IL36B: variants seen among roughly 807,000 people sequenced by gnomAD.
The protein encoded by IL36B is interleukin 36 beta.
Under a neutral mutation model 19.3 loss-of-function variants are expected in IL36B, and 23 were observed. The ratio of observed to expected loss-of-function variants is 1.19; its 90% confidence interval spans 0.86 to 1.69. The LOEUF (loss-of-function observed/expected upper bound fraction) is 1.69. Ranked by LOEUF, IL36B falls within the 40% of genes most tolerant of loss-of-function variation. The pLI, the probability that IL36B is intolerant of heterozygous loss-of-function variation, is 0.00. For synonymous variants in IL36B, 59 were observed against 59.7 expected (o/e 0.99, Z 0.05); for missense variants, 217 against 200.5 (o/e 1.08, Z -0.50).
chr2:113,046,920 G>C (rs1685360531), intron 1 of IL36B, among the ~76,000 whole-genome samples: 1 of 152,160 alleles, frequency 6.6e-6, no homozygotes, highest in Admixed American at 6.5e-5. Context: ...CCCACACTTA[G>C]AGCCTGAAGG....
At chr2:113,032,400 A>C (rs560367139) in intron 1 of IL36B, among the ~76,000 whole-genome samples, 3 of 152,248 alleles carry the variant, frequency 2.0e-5, no homozygotes, top group African/African-American at 7.2e-5. Context: ...GCACCAGAAC[A>C]GTCCCCAAGA....
At chr2:113,033,358 A>T (rs1037419485) in intron 1 of IL36B, among the ~76,000 whole-genome samples, 1 of 152,062 alleles carries the variant, frequency 6.6e-6, no homozygotes, top group Non-Finnish European at 1.5e-5. Context: ...CAGCCTCCCG[A>T]GTAGCTGGAA....
At chr2:113,032,883 C>T (rs529147825) in intron 1 of IL36B, among the ~76,000 whole-genome samples, 2 of 152,312 alleles carry the variant, frequency 1.3e-5, no homozygotes, top group South Asian at 4.1e-4. Context: ...ACAAGCATGA[C>T]TGGTCTGTGC....
At chr2:113,024,148 G>A (rs1346484766) in intron 5 of IL36B, among the ~76,000 whole-genome samples, 1 of 152,098 alleles carries the variant, frequency 6.6e-6, no homozygotes, top group Non-Finnish European at 1.5e-5. Flanking sequence ...TGTCACACGG[G>A]TAAACTCCCT....
At chr2:113,039,086 A>C (rs1685202925) in intron 1 of IL36B, among the ~76,000 whole-genome samples, 1 of 152,220 alleles carries the variant, frequency 6.6e-6, no homozygotes, top group Non-Finnish European at 1.5e-5. Flanking sequence ...TTCTGCATCC[A>C]GCCTCCTCTC....
At chr2:113,034,922 C>A (rs1685140698) in intron 1 of IL36B, among the ~76,000 whole-genome samples, 1 of 152,194 alleles carries the variant, frequency 6.6e-6, no homozygotes, top group African/African-American at 2.4e-5. Context: ...TGAGGGAGTT[C>A]AGGGAGACCC....
chr2:113,041,096 C>G (rs1685247804), intron 1 of IL36B, among the ~76,000 whole-genome samples: 1 of 149,910 alleles, frequency 6.7e-6, no homozygotes, highest in South Asian at 2.1e-4. Context: ...GTTGAGACTG[C>G]AGTCAGCCGA....
intron 1 of IL36B, among the ~76,000 whole-genome samples, chr2:113,052,021 TCACTGCAACTTTCACCTCCTGG>T (rs1035510537): frequency 5.3e-5 from 8 of 151,660 alleles, no homozygotes; most frequent in Non-Finnish European, 7.4e-5. Context: ...TGATCTCAGG[TCACTGCAACTTTCACCTCCTGG>T]GATTCAAGTG....
At chr2:113,032,133 C>CTGTG (rs56385654) in intron 1 of IL36B, among the ~76,000 whole-genome samples, 28,362 of 143,810 alleles carry the variant, frequency 0.2, 2,987 homozygotes, top group East Asian at 0.44. Flanking sequence ...GTGTGTGTGT[C>CTGTG]TGTGTGTGTG....
chr2:113,030,058 C>G (rs1327743832), intron 3 of IL36B, among the ~76,000 whole-genome samples: 1 of 152,050 alleles, frequency 6.6e-6, no homozygotes, highest in East Asian at 1.9e-4. Context: ...TGGTGAAACC[C>G]CATCTCTATT....
At chr2:113,045,141 A>T (rs575610642) in intron 1 of IL36B, among the ~76,000 whole-genome samples, 46 of 152,294 alleles carry the variant, frequency 3.0e-4, no homozygotes, top group Non-Finnish European at 4.6e-4. Flanking sequence ...TATTTTCTGT[A>T]TTAAAATTCT....
intron 1 of IL36B, among the ~76,000 whole-genome samples, chr2:113,051,615 C>T (rs1052749286): frequency 6.6e-6 from 1 of 152,220 alleles, no homozygotes; most frequent in Admixed American, 6.5e-5. Context: ...TGGATCCTGG[C>T]CCACAGCCTC....
At chr2:113,033,628 C>T (rs1448583911) in intron 1 of IL36B, among the ~76,000 whole-genome samples, 1 of 152,160 alleles carries the variant, frequency 6.6e-6, no homozygotes, top group African/African-American at 2.4e-5. Flanking sequence ...CAAAGTCATA[C>T]AGCTACTAAG....
At chr2:113,024,356 C>T (rs1376831971) in intron 5 of IL36B, among the ~76,000 whole-genome samples, 10 of 152,104 alleles carry the variant, frequency 6.6e-5, no homozygotes, top group African/African-American at 1.9e-4. Context: ...CTCCATTTAT[C>T]GATATTCTAT....
Position 113,025,118 on chromosome 2 carries a change from G to T in IL36B, c.391+985C>A, listed in dbSNP as rs566198849. Among the ~76,000 whole-genome samples the T allele has an allele frequency of 1.1e-4, 17 of 152,308 alleles. No homozygotes were observed. The South Asian group carries it at 3.3e-3, about 30-fold the overall frequency. On this transcript the variant is annotated intron_variant, in intron 5 of 5. Coordinates refer to ENST00000259213, the MANE Select transcript of IL36B (RefSeq NM_014438.5). Reference sequence around the variant, plus strand: ...GGGAGGCAGAGGATACTGGCTAAAAGCTCCTGGGGATACCCTTGGTTATGT... The same window carrying T: ...GGGAGGCAGAGGATACTGGCTAAAATCTCCTGGGGATACCCTTGGTTATGT...
intron 1 of IL36B, among the ~76,000 whole-genome samples, chr2:113,046,430 C>A (rs188626126): frequency 1.3e-5 from 2 of 152,122 alleles, no homozygotes; most frequent in African/African-American, 4.8e-5. Context: ...AGTATGGTCT[C>A]GATCTCCTGA....
At chr2:113,049,805 G>A (rs552849550) in intron 1 of IL36B, among the ~76,000 whole-genome samples, 2 of 151,974 alleles carry the variant, frequency 1.3e-5, no homozygotes, top group African/African-American at 2.4e-5. Flanking sequence ...AAATACAAAA[G>A]TTAGCCAGGC....
intron 1 of IL36B, among the ~76,000 whole-genome samples, chr2:113,047,888 AAG>A (rs1375732515): frequency 6.6e-6 from 1 of 152,174 alleles, no homozygotes; most frequent in Non-Finnish European, 1.5e-5. Flanking sequence ...AAGTCAATAA[AAG>A]AGATAAAATG....
chr2:113,049,824 G>A (rs34491153), intron 1 of IL36B, among the ~76,000 whole-genome samples: 33,094 of 151,950 alleles, frequency 0.22, 4,004 homozygotes, highest in East Asian at 0.53. Context: ...GCATGGTGGC[G>A]TGCACCTGTA....
Sources: allele counts gnomAD v4.1 joint callset (sites outside exome capture counted in the v4.1 genomes callset), GRCh38; gene constraint gnomAD v4.1.1; transcripts MANE v1.5; gene names NCBI Gene and HGNC (gene_info 2026-07-23, HGNC 2026-07-21).